FRMD6: variants seen among roughly 807,000 people sequenced by gnomAD.
FRMD6 encodes FERM domain containing 6, also known as FERM domain-containing protein 6.
In FRMD6, 37 loss-of-function variants were observed where a neutral mutation model predicts 73.2. The observed-to-expected ratio is 0.51, with a 90% confidence interval of 0.39 to 0.66. FRMD6 has a LOEUF of 0.66. Among genes scored for constraint, FRMD6 ranks in the 30% least tolerant of loss-of-function variants. The pLI is 0.00. For missense variants in FRMD6, 714 were observed against 780.5 expected (o/e 0.91, Z 1.02); for synonymous variants, 273 against 282.2 (o/e 0.97, Z 0.33).
rs758189152 is a variant in FRMD6, at chr14:51,728,064, T to C, written c.*35T>C. ...GTGTGCAGCTGTACAGGCAGCTTAC[T>C]GTTTGCTAGAGGATGCGAAAGTCAT... On this transcript the variant is annotated 3_prime_UTR_variant, in exon 14 of 14. Transcript: ENST00000344768. The C allele has an allele frequency of 6.3e-7, 1 of 1,576,154 alleles. No individual in the cohort carries two copies. The highest frequency in any genetic ancestry group is 2.3e-5 in the East Asian group (1 of 44,182).
At chr14:51,427,669 G>A in the FRMD6 span, among the ~76,000 whole-genome samples, 5 of 152,226 alleles carry the variant, frequency 3.3e-5, no homozygotes, top group South Asian at 2.1e-4. Context: ...TGCTGTTCCC[G>A]TGTTTTCCAC....
intron 2 of FRMD6, among the ~76,000 whole-genome samples, chr14:51,694,374 T>A (rs554488450): frequency 1.6e-4 from 24 of 152,146 alleles, no homozygotes; most frequent in Non-Finnish European, 2.9e-4. Flanking sequence ...ACATTTAGGA[T>A]CACATACTAT....
Position 51,730,227 on chromosome 14 carries a change from G to C in FRMD6, c.*2198G>C, listed in dbSNP as rs1002345222. The C allele has an allele frequency of 6.6e-6, 1 of 152,188 alleles. No individual in the cohort carries two copies. The highest frequency in any genetic ancestry group is 1.5e-5 in the Non-Finnish European group (1 of 68,032). 9.4% of individuals were successfully genotyped at this position (152,188 alleles called of 1,614,324 possible). ...TTTCTCTCTACTTCAACCAAAATCA[G>C]ATCTTTGAGGTTTTGCTGACATTGT... On this transcript the variant is annotated 3_prime_UTR_variant, in exon 14 of 14. Transcript: ENST00000344768.
chr14:51,609,166 T>G (rs998255181), intron 2 of FRMD6, among the ~76,000 whole-genome samples: 1 of 152,170 alleles, frequency 6.6e-6, no homozygotes, highest in Non-Finnish European at 1.5e-5. Flanking sequence ...TCTAACAACC[T>G]GGACAGGAAA....
intron 2 of FRMD6, among the ~76,000 whole-genome samples, chr14:51,625,210 AC>A (rs1891071569): frequency 6.6e-6 from 1 of 152,194 alleles, no homozygotes; most frequent in African/African-American, 2.4e-5. Context: ...TTGGCATATT[AC>A]TTCCAGCAAT....
chr14:51,583,558 A>G (rs1171886949), intron 2 of FRMD6, among the ~76,000 whole-genome samples: 1 of 152,180 alleles, frequency 6.6e-6, no homozygotes, highest in Non-Finnish European at 1.5e-5. Flanking sequence ...ATATATTAAC[A>G]CATATATTAA....
At chr14:51,720,607 A>C (rs1897499764) in intron 11 of FRMD6, 1 of 559,664 alleles carries the variant, frequency 1.8e-6, no homozygotes, top group Non-Finnish European at 3.2e-6. Context: ...ACAAGACTGG[A>C]TGGTTGTAGA....
the FRMD6 span, among the ~76,000 whole-genome samples, chr14:51,398,423 C>T: frequency 6.6e-6 from 1 of 152,032 alleles, no homozygotes; most frequent in Non-Finnish European, 1.5e-5. Context: ...TGGTAAAATG[C>T]TCTTAGCAAC....
intron 1 of FRMD6, among the ~76,000 whole-genome samples, chr14:51,521,171 A>G (rs967105368): frequency 6.6e-6 from 1 of 152,194 alleles, no homozygotes; most frequent in African/African-American, 2.4e-5. Flanking sequence ...CTGTATCTTG[A>G]CTGTGGAGAT....
At chr14:51,417,121 G>C in the FRMD6 span, among the ~76,000 whole-genome samples, 1 of 152,150 alleles carries the variant, frequency 6.6e-6, no homozygotes, top group East Asian at 1.9e-4. Flanking sequence ...GCCAGTCTGT[G>C]TCTTTTAATT....
chr14:51,571,376 G>A (rs1424835726), intron 2 of FRMD6, among the ~76,000 whole-genome samples: 1 of 152,130 alleles, frequency 6.6e-6, no homozygotes, highest in African/African-American at 2.4e-5. Flanking sequence ...AAGGATTTAT[G>A]TTGTCACACA....
chr14:51,475,749 A>T, the FRMD6 span, among the ~76,000 whole-genome samples: 33 of 152,346 alleles, frequency 2.2e-4, no homozygotes, highest in Admixed American at 2.1e-3. Context: ...AATAACTGAG[A>T]TGCCTTTTCC....
chr14:51,657,724 G>A (rs550231186), intron 1 of FRMD6, among the ~76,000 whole-genome samples: 28 of 152,210 alleles, frequency 1.8e-4, no homozygotes, highest in Non-Finnish European at 2.8e-4. Flanking sequence ...AAAAAGTAAC[G>A]TTAGAGGTAA....
chr14:51,429,122 A>G, the FRMD6 span, among the ~76,000 whole-genome samples: 1 of 152,200 alleles, frequency 6.6e-6, no homozygotes, highest in Non-Finnish European at 1.5e-5. Flanking sequence ...TCAAGGCACC[A>G]AGCATGTGAA....
At chr14:51,619,968 C>G (rs946516074) in intron 2 of FRMD6, among the ~76,000 whole-genome samples, 5 of 152,186 alleles carry the variant, frequency 3.3e-5, no homozygotes, top group Non-Finnish European at 7.3e-5. Flanking sequence ...CAGAGCCACC[C>G]ATACCTTGTT....
At chr14:51,727,170 C>A (rs1898013244) in intron 13 of FRMD6, among the ~76,000 whole-genome samples, 1 of 152,006 alleles carries the variant, frequency 6.6e-6, no homozygotes, top group Non-Finnish European at 1.5e-5. Context: ...GCACCAAGAA[C>A]ACTTTATATT....
chr14:51,477,349 C>T, the FRMD6 span, among the ~76,000 whole-genome samples: 20 of 152,078 alleles, frequency 1.3e-4, no homozygotes, highest in African/African-American at 4.6e-4. Flanking sequence ...TGTTTACGTG[C>T]AAAGGCTGTA....
chr14:51,587,659 C>T (rs960045396), intron 2 of FRMD6, among the ~76,000 whole-genome samples: 6 of 151,994 alleles, frequency 3.9e-5, no homozygotes, highest in African/African-American at 1.4e-4. Context: ...TGTAATCTTA[C>T]TAAGAGCTGA....
At chr14:51,509,382 C>T (rs887486120) in intron 1 of FRMD6, among the ~76,000 whole-genome samples, 9 of 152,058 alleles carry the variant, frequency 5.9e-5, no homozygotes, top group Admixed American at 2.6e-4. Flanking sequence ...AAAAATTTAG[C>T]CAGGCGTAGT....
Sources: allele counts gnomAD v4.1 joint callset (sites outside exome capture counted in the v4.1 genomes callset), GRCh38; gene constraint gnomAD v4.1.1; transcripts MANE v1.5; gene names NCBI Gene and HGNC (gene_info 2026-07-23, HGNC 2026-07-21).